KHDRBS3: variants seen among roughly 807,000 people sequenced by gnomAD.
KHDRBS3 encodes KH domain-containing, RNA-binding, signal transduction-associated protein 3.
In KHDRBS3, 23 loss-of-function variants were observed where a neutral mutation model predicts 45.6. The observed-to-expected ratio is 0.50, with a 90% CI of 0.36 to 0.72. The LOEUF (loss-of-function observed/expected upper bound fraction) is 0.72, where lower values mean the gene tolerates loss of function less well. Among genes scored for constraint, KHDRBS3 ranks in the 30% least tolerant of loss-of-function variants. The pLI, the probability that KHDRBS3 is intolerant of heterozygous loss-of-function variation, is 0.00. For synonymous variants in KHDRBS3, 162 were observed against 156.5 expected (o/e 1.04, Z -0.26); for missense variants, 352 against 424.8 (o/e 0.83, Z 1.51).
In KHDRBS3 at chr8:135,582,087, T is replaced by C; in HGVS notation, c.807+14T>C. 6.6e-7 allele frequency: 1 copy of C among 1,522,632 alleles called. No individual in the cohort carries two copies. The highest frequency in any genetic ancestry group is 1.3e-5 in the South Asian group (1 of 76,030). The allele number at this position is 1,522,632 out of a possible 1,614,324, so 94.3% of individuals were successfully genotyped here. On this transcript the variant is annotated intron_variant, in intron 6 of 8. Coordinates refer to ENST00000355849, the MANE Select transcript of KHDRBS3 (RefSeq NM_006558.3). ...TATGGAGAATATGTAAGTGAAGGTG[T>C]CAGACAACAGCCTTGTTCATCAGAT...
At chr8:135,509,917 A>G (rs1401723011) in intron 1 of KHDRBS3, among the ~76,000 whole-genome samples, 1 of 149,928 alleles carries the variant, frequency 6.7e-6, no homozygotes, top group Non-Finnish European at 1.5e-5. Flanking sequence ...TCCATTCTAT[A>G]AGATAAGAGC....
At chr8:135,627,992 A>G (rs1008712942) in intron 7 of KHDRBS3, among the ~76,000 whole-genome samples, 1 of 152,184 alleles carries the variant, frequency 6.6e-6, no homozygotes, top group Admixed American at 6.5e-5. Context: ...GACTTAGACA[A>G]TGTCTAAACT....
intron 7 of KHDRBS3, among the ~76,000 whole-genome samples, chr8:135,607,744 T>C (rs1485934638): frequency 2.0e-5 from 3 of 152,194 alleles, no homozygotes; most frequent in Admixed American, 1.3e-4. Flanking sequence ...AAATATTGGC[T>C]TTGTAGTGAT....
intron 2 of KHDRBS3, 140 bp from the exon 3 acceptor site, chr8:135,542,514 A>G (rs1205591912): frequency 1.6e-6 from 1 of 609,634 alleles, no homozygotes; most frequent in Non-Finnish European, 3.0e-6. Flanking sequence ...GAAACATCAT[A>G]TTTTAATGCA....
intron 1 of KHDRBS3, among the ~76,000 whole-genome samples, chr8:135,487,842 T>C (rs1822942300): frequency 6.6e-6 from 1 of 152,216 alleles, no homozygotes; most frequent in Non-Finnish European, 1.5e-5. Context: ...TACTGATTAA[T>C]GGAATGTGGA....
At chr8:135,534,412 C>G (rs549532335) in intron 2 of KHDRBS3, among the ~76,000 whole-genome samples, 2 of 152,226 alleles carry the variant, frequency 1.3e-5, no homozygotes, top group South Asian at 4.1e-4. Context: ...TGGTATTTGT[C>G]ATTCACTTTT....
chr8:135,506,242 C>T (rs962723218), intron 1 of KHDRBS3, among the ~76,000 whole-genome samples: 2 of 152,140 alleles, frequency 1.3e-5, no homozygotes, highest in East Asian at 3.9e-4. Context: ...ATTCAAGGTG[C>T]AAAACTAGTG....
chr8:135,469,506 GTTTTTTTTTTGTTTTGGTTTTTTTTT>G lies in KHDRBS3; in HGVS notation c.88+11563_88+11588del, dbSNP rs1480796095. On this transcript the variant is annotated intron_variant, in intron 1 of 8. Coordinates refer to ENST00000355849, the MANE Select transcript of KHDRBS3 (RefSeq NM_006558.3). Reference sequence around the variant, plus strand: ...GTTTCACCATGTTAGCCAGGATGGTGTTTTTTTTTTGTTTTGGTTTTTTTTTTTTTTTTTTTTTTTTGAGACGAGTC... The same window carrying G: ...GTTTCACCATGTTAGCCAGGATGGTGTTTTTTTTTTTTTTTGAGACGAGTC... Among the ~76,000 whole-genome samples, 69 of 111,266 alleles carry G rather than the reference GTTTTTTTTTTGTTTTGGTTTTTTTTT, an allele frequency of 6.2e-4. 4 individuals are homozygous for G. Among genetic ancestry groups the G allele is most frequent in the South Asian group, 1.1e-3 (4 of 3,644 alleles). 73.0% of individuals were successfully genotyped at this position (111,266 alleles called of 152,430 possible).
At chr8:135,463,624 T>C (rs1821542921) in intron 1 of KHDRBS3, among the ~76,000 whole-genome samples, 1 of 152,202 alleles carries the variant, frequency 6.6e-6, no homozygotes, top group Non-Finnish European at 1.5e-5. Context: ...ATGATATTTC[T>C]CATGACAGAT....
chr8:135,458,309 T>G, intron 1 of KHDRBS3: 1 of 586,470 alleles, frequency 1.7e-6, no homozygotes, highest in Non-Finnish European at 2.3e-6. Context: ...GGGGAGCGTG[T>G]TGGACTCGGG....
chr8:135,590,249 T>TA (rs1317229904), intron 6 of KHDRBS3, among the ~76,000 whole-genome samples: 1 of 152,120 alleles, frequency 6.6e-6, no homozygotes, highest in Admixed American at 6.5e-5. Context: ...AAAGATACAG[T>TA]AAAAATGTGG....
chr8:135,637,171 C>T (rs2131165140), intron 7 of KHDRBS3, among the ~76,000 whole-genome samples: 1 of 152,124 alleles, frequency 6.6e-6, no homozygotes, highest in East Asian at 1.9e-4. Context: ...AAGTAAGGCT[C>T]TTATTGAAAG....
intron 6 of KHDRBS3, among the ~76,000 whole-genome samples, chr8:135,585,120 T>C (rs939350035): frequency 4.0e-5 from 6 of 150,550 alleles, no homozygotes; most frequent in Non-Finnish European, 7.4e-5. Flanking sequence ...ACCCACCTAC[T>C]TAGGAGGCTG....
At chr8:135,596,595 G>A (rs1466807627) in intron 6 of KHDRBS3, among the ~76,000 whole-genome samples, 1 of 151,914 alleles carries the variant, frequency 6.6e-6, no homozygotes, top group Non-Finnish European at 1.5e-5. Flanking sequence ...AAAAATTACA[G>A]ACATACAAGA....
intron 5 of KHDRBS3, among the ~76,000 whole-genome samples, chr8:135,573,595 T>G (rs1022688660): frequency 6.6e-6 from 1 of 152,238 alleles, no homozygotes; most frequent in Non-Finnish European, 1.5e-5. Context: ...AAAGATCAAA[T>G]GACAGAACTG....
intron 7 of KHDRBS3, among the ~76,000 whole-genome samples, chr8:135,631,782 A>G (rs1322717332): frequency 6.6e-6 from 1 of 152,220 alleles, no homozygotes; most frequent in African/African-American, 2.4e-5. Flanking sequence ...GGTAAAAAGT[A>G]TAATATGGTA....
At chr8:135,545,505 C>A (rs1050009649) in intron 3 of KHDRBS3, among the ~76,000 whole-genome samples, 27 of 152,208 alleles carry the variant, frequency 1.8e-4, no homozygotes, top group Non-Finnish European at 2.9e-4. Flanking sequence ...CTGAGTCTCA[C>A]ATAAGAGACG....
chr8:135,585,511 A>G (rs1456193899), intron 6 of KHDRBS3, among the ~76,000 whole-genome samples: 1 of 152,044 alleles, frequency 6.6e-6, no homozygotes, highest in East Asian at 1.9e-4. Context: ...TTTATTCCCA[A>G]TAACTAGTAT....
intron 1 of KHDRBS3, among the ~76,000 whole-genome samples, chr8:135,463,728 C>T (rs1027434454): frequency 6.6e-6 from 1 of 152,098 alleles, no homozygotes; most frequent in Non-Finnish European, 1.5e-5. Flanking sequence ...AGGGAAACTC[C>T]GAAAGCCAGA....
Sources: allele counts gnomAD v4.1 joint callset (sites outside exome capture counted in the v4.1 genomes callset), GRCh38; gene constraint gnomAD v4.1.1; transcripts MANE v1.5; gene names NCBI Gene and HGNC (gene_info 2026-07-23, HGNC 2026-07-21).